The following HUWE1 variants were observed in gnomAD, a reference collection of about 807,000 sequenced individuals.
The protein encoded by HUWE1 is E3 ubiquitin-protein ligase HUWE1.
HUWE1 carries 18 observed loss-of-function variants against 299.4 expected under a neutral mutation model. The ratio of observed to expected loss-of-function variants is 0.06; its 90% CI spans 0.04 to 0.09. The LOEUF is 0.09. Ranked by LOEUF, HUWE1 falls within the 10% of genes least tolerant of loss-of-function variation. The pLI is 1.00. For missense variants in HUWE1, 1,832 were observed against 3,462.3 expected (o/e 0.53, Z 11.82); for synonymous variants, 1,317 against 1,286.1 (o/e 1.02, Z -0.51).
intron 19 of HUWE1, among the ~76,000 whole-genome samples, chrX:53,622,148 TC>T (rs2066190496): frequency 9.0e-6 from 1 of 111,177 alleles, no homozygotes. Flanking sequence ...ATATTAAACT[TC>T]CCCCTTAAGG....
At position 53,546,576 on chromosome X, in the gene HUWE1, G is replaced by C. The variant is rs782744389; in HGVS notation, c.10775C>G (p.Ser3592Cys). 3 of 1,208,315 alleles carry C rather than the reference G, an allele frequency of 2.5e-6. No homozygotes were observed. In the South Asian group the frequency reaches 5.3e-5, roughly 21 times the overall value. The change falls in exon 70 of 84, where the codon TCT becomes TGT. Residue 3592 changes from serine to cysteine, a missense_variant. Coordinates refer to ENST00000262854, the MANE Select transcript of HUWE1 (RefSeq NM_031407.7). Reference sequence around the variant, plus strand: ...ATCCTCTAAGCCTTCCTCAGAACAAGAGTGGGATGTCAACACCTGAGAAAA... The same window carrying C: ...ATCCTCTAAGCCTTCCTCAGAACAACAGTGGGATGTCAACACCTGAGAAAA... Reference protein sequence around the residue: ...QLSVEVLTSHSCSEEGLEDAA... With the variant: ...QLSVEVLTSHCCSEEGLEDAA...
At chrX:53,604,338 C>T (rs782321924) in intron 26 of HUWE1, among the ~76,000 whole-genome samples, 120 of 111,687 alleles carry the variant, frequency 1.1e-3, no homozygotes, top group Non-Finnish European at 1.9e-3. Flanking sequence ...GTACTAAGGC[C>T]AGATGAATAC....
chrX:53,542,945 C>T lies in HUWE1; in HGVS notation c.11380-406G>A, dbSNP rs138645051. 3.4e-3 allele frequency: 451 copies of T among 132,357 alleles called. 4 individuals carry two copies. The highest frequency in any genetic ancestry group is 0.014 in the African/African-American group (438 of 30,746). 10.9% of individuals were successfully genotyped at this position (132,357 alleles called of 1,213,427 possible). ...GGTCTGCTCTTTGTTTCTGTTTGCT[C>T]ACAAAAGGGGAAATAATAGGAGAAT... On this transcript the variant is annotated intron_variant, in intron 73 of 83. Coordinates refer to ENST00000262854, the MANE Select transcript of HUWE1 (RefSeq NM_031407.7).
intron 40 of HUWE1, 41 bp from the exon 41 acceptor site, chrX:53,584,386 A>C: frequency 9.1e-7 from 1 of 1,103,359 alleles, no homozygotes; most frequent in Non-Finnish European, 1.2e-6. Context: ...TCTACCAAAA[A>C]TGAATTATAA....
At position 53,554,898 on chromosome X, in the gene HUWE1, G is replaced by A. The variant is rs1292002872; in HGVS notation, c.8229C>T (p.Ser2743=). 3 of 1,183,654 alleles carry A rather than the reference G, an allele frequency of 2.5e-6. No homozygotes were observed. The highest frequency in any genetic ancestry group is 1.8e-5 in the African/African-American group (1 of 56,450). The change falls in exon 61 of 84, where the codon AGC becomes AGT. Residue 2743 remains serine (S), a synonymous_variant. Coordinates refer to ENST00000262854, the MANE Select transcript of HUWE1 (RefSeq NM_031407.7). ...CAGTTGAAGATGGGGTTGTTGGGTA[G>A]CTGTCAGGCATAGGCGTCCCATCTT... ...NLSDGTPMPD[S]YPTTPSSTDA... is the part of the protein sequence containing the mutation.
chrX:53,646,072 T>C (rs1451183181), intron 6 of HUWE1, among the ~76,000 whole-genome samples: 1 of 110,740 alleles, frequency 9.0e-6, no homozygotes, highest in African/African-American at 3.3e-5. Flanking sequence ...GCTAAAGATA[T>C]CGATAACAGC....
At chrX:53,670,968 T>C (rs2069498536) in intron 3 of HUWE1, among the ~76,000 whole-genome samples, 1 of 112,508 alleles carries the variant, frequency 8.9e-6, no homozygotes, top group African/African-American at 3.2e-5. Context: ...TCATGATGGA[T>C]CATATACTAA....
chrX:53,543,821 G>A lies in HUWE1; in HGVS notation c.11379+20C>T. 8.3e-7 allele frequency: 1 copy of A among 1,210,875 alleles called. No homozygotes were observed. The highest frequency in any genetic ancestry group is 1.1e-6 in the Non-Finnish European group (1 of 894,961). ...GAGTGGAGAGACAAATGAATGAGGGGCCACAGGCATCATGCTAACCGTTGC... is the reference window on the plus strand; with the variant it reads ...GAGTGGAGAGACAAATGAATGAGGGACCACAGGCATCATGCTAACCGTTGC... On this transcript the variant is annotated intron_variant, in intron 73 of 83. Transcript: ENST00000262854.
intron 9 of HUWE1, chrX:53,632,042 A>G (rs1557023156): frequency 2.9e-6 from 1 of 341,307 alleles, no homozygotes; most frequent in Non-Finnish European, 5.5e-6. Flanking sequence ...GAGAAATTGT[A>G]TTTTCACTAA....
intron 59 of HUWE1, 116 bp downstream of exon 59, chrX:53,558,539 C>T: frequency 1.3e-6 from 1 of 754,999 alleles, no homozygotes; most frequent in Non-Finnish European, 2.0e-6. Flanking sequence ...AAAAATTTCC[C>T]AGGTTCAACG....
At chrX:53,535,637 T>C (rs964548284) in intron 80 of HUWE1, 136 bp from the exon 81 acceptor site, 26 of 520,069 alleles carry the variant, frequency 5.0e-5, no homozygotes, top group Non-Finnish European at 8.6e-5. Context: ...CAGTGACTTT[T>C]TCTACTACTC....
At chrX:53,630,067 G>A (rs1462891847) in intron 12 of HUWE1, among the ~76,000 whole-genome samples, 3 of 112,292 alleles carry the variant, frequency 2.7e-5, no homozygotes, top group African/African-American at 9.7e-5. Context: ...TTCAGAATGT[G>A]TGTAATTCAC....
chrX:53,590,893 A>T (rs2064123030), intron 34 of HUWE1, 107 bp downstream of exon 34: 2 of 973,684 alleles, frequency 2.1e-6, no homozygotes, highest in South Asian at 4.0e-5. Flanking sequence ...TCTGAAAATG[A>T]GAAGCAGTTT....
intron 81 of HUWE1, among the ~76,000 whole-genome samples, 165 bp downstream of exon 81, chrX:53,535,219 G>C (rs781977726): frequency 8.9e-6 from 1 of 112,186 alleles, no homozygotes; most frequent in African/African-American, 3.2e-5. Flanking sequence ...ATAGGTGTGA[G>C]CCACCGTGCC....
Position 53,593,366 on chromosome X carries a change from T to G in HUWE1, c.3739A>C (p.Lys1247Gln). The change falls in exon 32 of 84, where the codon AAA (lysine) becomes CAA (glutamine). Residue 1247 changes from lysine to glutamine, a missense_variant and splice_region_variant. Lys to Gln is a moderately conservative substitution (Grantham distance 53, BLOSUM62 1). Around this residue, in one of 15 missense-constraint regions of HUWE1, gnomAD observed 658 missense variants for 1,282.6 expected, o/e 0.51. Coordinates refer to ENST00000262854, the MANE Select transcript of HUWE1 (RefSeq NM_031407.7). ...SALRFLVVTQ[K>Q]AAFTCIKNLW... ...ATTTTAGAATACTGAATACTCACTT[T>G]CTGAGTTACCACAAGGAAGCGCAGT... is the stretch of plus-strand genomic sequence containing the variant. 1 of 1,156,325 alleles carries G rather than the reference T, an allele frequency of 8.6e-7. No individual in the cohort carries two copies. The highest frequency in any genetic ancestry group is 1.2e-6 in the Non-Finnish European group (1 of 844,967).
chrX:53,647,630 GCT>G, intron 5 of HUWE1, 56 bp from the exon 6 acceptor site: 1 of 874,078 alleles, frequency 1.1e-6, no homozygotes, highest in Non-Finnish European at 1.7e-6. Context: ...CCGCATGGGT[GCT>G]TTCTAACTGA....
At chrX:53,630,678 A>C (rs1356625436) in intron 12 of HUWE1, among the ~76,000 whole-genome samples, 1 of 110,399 alleles carries the variant, frequency 9.1e-6, no homozygotes, top group African/African-American at 3.3e-5. Flanking sequence ...TCTATTAAAA[A>C]AAAAAAAAAG....
chrX:53,624,845 CAAT>C (rs1449136854), intron 18 of HUWE1, among the ~76,000 whole-genome samples, 170 bp from the exon 19 acceptor site: 1 of 111,374 alleles, frequency 9.0e-6, no homozygotes, highest in East Asian at 2.8e-4. Context: ...TTTGTCCATG[CAAT>C]AGGCTTTCTA....
intron 23 of HUWE1, among the ~76,000 whole-genome samples, chrX:53,612,894 G>A (rs1225377943): frequency 9.0e-6 from 1 of 111,728 alleles, no homozygotes; most frequent in Non-Finnish European, 1.9e-5. Flanking sequence ...GTGTCAGCTT[G>A]AAATCTGGGC....
Sources: allele counts gnomAD v4.1 joint callset (sites outside exome capture counted in the v4.1 genomes callset), GRCh38; gene constraint gnomAD v4.1.1; regional missense constraint gnomAD v4.1.1; transcripts MANE v1.5; gene names NCBI Gene and HGNC (gene_info 2026-07-23, HGNC 2026-07-21).